The following ACSS3 variants were observed in gnomAD, a reference collection of about 807,000 sequenced individuals.
ACSS3 encodes the protein acyl-CoA synthetase short-chain family member 3, mitochondrial.
Under a neutral mutation model 84.2 loss-of-function variants are expected in ACSS3, and 64 were observed. The observed-to-expected ratio is 0.76, with a 90% CI of 0.62 to 0.94. The LOEUF is 0.94. Among genes scored for constraint, ACSS3 ranks in the 40% least tolerant of loss-of-function variants. The pLI is 0.00. For synonymous variants in ACSS3, 317 were observed against 310.1 expected (o/e 1.02, Z -0.23); for missense variants, 815 against 867.6 (o/e 0.94, Z 0.76).
chr12:81,103,191 G>GA (rs1297085230), intron 1 of ACSS3, among the ~76,000 whole-genome samples: 1 of 152,110 alleles, frequency 6.6e-6, no homozygotes, highest in Non-Finnish European at 1.5e-5. Flanking sequence ...AGGCCCTTGG[G>GA]AAAAACTCGT....
chr12:81,148,722 A>G (rs1047476628), intron 5 of ACSS3, among the ~76,000 whole-genome samples: 2 of 151,964 alleles, frequency 1.3e-5, no homozygotes, highest in African/African-American at 4.8e-5. Flanking sequence ...TTATGAGAAT[A>G]TATGAGATCA....
intron 13 of ACSS3, among the ~76,000 whole-genome samples, chr12:81,241,425 T>C (rs1358333031): frequency 1.3e-5 from 2 of 152,136 alleles, no homozygotes; most frequent in Non-Finnish European, 2.9e-5. Context: ...ACTTCCACAA[T>C]GGTTGAACTA....
intron 1 of ACSS3, among the ~76,000 whole-genome samples, chr12:81,097,343 A>G (rs1882141300): frequency 6.6e-6 from 1 of 152,168 alleles, no homozygotes; most frequent in South Asian, 2.1e-4. Flanking sequence ...TAAATCAGTT[A>G]TATGTTCCAA....
intron 2 of ACSS3, among the ~76,000 whole-genome samples, chr12:81,112,331 G>A (rs1451817722): frequency 6.6e-6 from 1 of 151,980 alleles, no homozygotes; most frequent in Non-Finnish European, 1.5e-5. Context: ...ATCAAACATC[G>A]CAGTCAGGGA....
At chr12:81,082,659 T>C (rs1881059885) in intron 1 of ACSS3, among the ~76,000 whole-genome samples, 1 of 152,220 alleles carries the variant, frequency 6.6e-6, no homozygotes, top group African/African-American at 2.4e-5. Flanking sequence ...TTTTGAGTTA[T>C]GTTAAGGATT....
At chr12:81,148,212 C>G (rs760682345) in intron 5 of ACSS3, among the ~76,000 whole-genome samples, 15 of 152,082 alleles carry the variant, frequency 9.9e-5, no homozygotes, top group Non-Finnish European at 1.6e-4. Context: ...CTTAATCTTA[C>G]CACACACTTC....
At chr12:81,184,541 A>C (rs1056114704) in intron 8 of ACSS3, among the ~76,000 whole-genome samples, 1 of 151,816 alleles carries the variant, frequency 6.6e-6, no homozygotes, top group Non-Finnish European at 1.5e-5. Flanking sequence ...TCTTAATGAA[A>C]AGAAGAGAAA....
At chr12:81,226,398 C>G (rs2033271849) in intron 11 of ACSS3, among the ~76,000 whole-genome samples, 1 of 151,502 alleles carries the variant, frequency 6.6e-6, no homozygotes, top group Admixed American at 6.6e-5. Flanking sequence ...GTTTTATACT[C>G]TCTCCACGAA....
At chr12:81,241,787 G>T (rs892416688) in intron 13 of ACSS3, among the ~76,000 whole-genome samples, 2 of 152,178 alleles carry the variant, frequency 1.3e-5, no homozygotes, top group African/African-American at 4.8e-5. Flanking sequence ...TTTGTGGGTT[G>T]CCTGTTCACT....
intron 2 of ACSS3, among the ~76,000 whole-genome samples, chr12:81,129,237 G>A (rs572201883): frequency 6.6e-6 from 1 of 152,048 alleles, no homozygotes; most frequent in South Asian, 2.1e-4. Context: ...ATCAATTGTA[G>A]GTATGTATCA....
In ACSS3 at chr12:81,194,074, AT is replaced by A. The variant is rs899591303; in HGVS notation, c.1251-5257del. 3.1e-3 allele frequency among the ~76,000 whole-genome samples: 458 copies of A among 149,028 alleles called. 1 individual carries two copies. Among genetic ancestry groups the A allele is most frequent in the African/African-American group, 7.5e-3 (305 of 40,786 alleles). On this transcript the variant is annotated intron_variant, in intron 8 of 15. Transcript: ENST00000548058. ...GAATTTAGCTGTTGAAAAGGTTACT[AT>A]TTTTTTTTTATAAACCACTGTACTT...
chr12:81,109,793 T>A, intron 2 of ACSS3, 89 bp downstream of exon 2: 1 of 1,051,420 alleles, frequency 9.5e-7, no homozygotes, highest in Non-Finnish European at 1.3e-6. Flanking sequence ...CCTTCAATTC[T>A]CTAATGCATT....
intron 1 of ACSS3, among the ~76,000 whole-genome samples, chr12:81,092,982 G>A (rs916913345): frequency 3.3e-5 from 5 of 150,764 alleles, no homozygotes; most frequent in African/African-American, 1.2e-4. Context: ...TTGAGGCTAT[G>A]TCTAGGTTAT....
chr12:81,136,339 C>A (rs954712965), intron 3 of ACSS3, among the ~76,000 whole-genome samples: 4 of 152,140 alleles, frequency 2.6e-5, no homozygotes, highest in East Asian at 1.9e-4. Context: ...CGCACCTACT[C>A]AGCTTTGCTG....
intron 4 of ACSS3, among the ~76,000 whole-genome samples, chr12:81,141,971 A>G (rs1389064488): frequency 3.9e-5 from 6 of 152,216 alleles, no homozygotes; most frequent in Non-Finnish European, 7.3e-5. Context: ...TACAGGTATC[A>G]TATTCATACA....
chr12:81,134,781 A>AAATACACT, intron 2 of ACSS3, 35 bp from the exon 3 acceptor site: 1 of 1,445,686 alleles, frequency 6.9e-7, no homozygotes, highest in East Asian at 2.5e-5. Flanking sequence ...AAATAATACA[A>AAATACACT]AATACACTTT....
At chr12:81,150,907 A>G (rs1406042609) in intron 5 of ACSS3, among the ~76,000 whole-genome samples, 1 of 152,172 alleles carries the variant, frequency 6.6e-6, no homozygotes, top group Non-Finnish European at 1.5e-5. Context: ...AAGAGCAGTT[A>G]TAATTGTTGT....
At chr12:81,215,790 T>C (rs1327344452) in intron 9 of ACSS3, among the ~76,000 whole-genome samples, 1 of 152,214 alleles carries the variant, frequency 6.6e-6, no homozygotes, top group African/African-American at 2.4e-5. Context: ...CTTTTATGAA[T>C]GTTAATAAGT....
At chr12:81,083,522 T>A (rs1335271920) in intron 1 of ACSS3, among the ~76,000 whole-genome samples, 1 of 151,968 alleles carries the variant, frequency 6.6e-6, no homozygotes, top group Non-Finnish European at 1.5e-5. Flanking sequence ...CACACCCAAC[T>A]GATTTTTGTA....
Sources: gnomAD v4.1 joint callset for allele counts (sites outside exome capture counted in the v4.1 genomes callset) on GRCh38, gnomAD v4.1.1 for gene constraint, MANE v1.5 for transcripts, NCBI Gene and HGNC (gene_info 2026-07-23, HGNC 2026-07-21) for gene names.